Variants in FBXO21 observed in about 807,000 individuals in gnomAD.
The protein encoded by FBXO21 is F-box protein 21.
FBXO21 carries 32 observed loss-of-function variants against 76.6 expected under a neutral mutation model. The ratio of observed to expected loss-of-function variants is 0.42; its 90% CI spans 0.32 to 0.56. The LOEUF (loss-of-function observed/expected upper bound fraction) is 0.56, where lower values mean the gene tolerates loss of function less well. Ranked by LOEUF, FBXO21 falls within the 20% of genes least tolerant of loss-of-function variation. The pLI is 0.16. For missense variants in FBXO21, 586 were observed against 797.3 expected (o/e 0.73, Z 3.19); for synonymous variants, 328 against 311.5 (o/e 1.05, Z -0.56).
At position 117,157,857 on chromosome 12, in the gene FBXO21, G is replaced by C; in HGVS notation, c.1517+16C>G. 1 of 1,580,884 alleles carries C rather than the reference G, an allele frequency of 6.3e-7. No individual in the cohort carries two copies. The highest frequency in any genetic ancestry group is 1.2e-5 in the South Asian group (1 of 85,842). Reference sequence around the variant, plus strand: ...CTGGAACGGACACTGCAGGACAGATGATCCCGGGCACTCACCTCTTATGCT... The same window carrying C: ...CTGGAACGGACACTGCAGGACAGATCATCCCGGGCACTCACCTCTTATGCT... On this transcript the variant is annotated intron_variant, in intron 10 of 11. Coordinates refer to ENST00000622495, the MANE Select transcript of FBXO21 (RefSeq NM_015002.3).
At chr12:117,164,873 C>T (rs1392821339) in intron 9 of FBXO21, among the ~76,000 whole-genome samples, 1 of 152,150 alleles carries the variant, frequency 6.6e-6, no homozygotes, top group East Asian at 1.9e-4. Context: ...GCAGCTGGCT[C>T]CTGCACCATT....
intron 10 of FBXO21, 44 bp from the exon 11 acceptor site, chr12:117,155,992 GCAACAACCTC>G: frequency 1.3e-6 from 2 of 1,592,580 alleles, no homozygotes; most frequent in Non-Finnish European, 1.7e-6. Context: ...AGACCCGGCC[GCAACAACCTC>G]CAGACAACCG....
At chr12:117,177,260 A>C (rs140867239) in intron 4 of FBXO21, among the ~76,000 whole-genome samples, 188 of 152,288 alleles carry the variant, frequency 1.2e-3, no homozygotes, top group African/African-American at 4.3e-3. Context: ...CTAAAGTATC[A>C]CTCTCACATT....
intron 3 of FBXO21, among the ~76,000 whole-genome samples, chr12:117,182,986 G>A (rs953400640): frequency 3.3e-5 from 5 of 152,056 alleles, no homozygotes; most frequent in Admixed American, 6.5e-5. Flanking sequence ...CTAACTACTC[G>A]GGAGGCTGAG....
At chr12:117,160,633 A>AT (rs929811610) in intron 9 of FBXO21, among the ~76,000 whole-genome samples, 2 of 151,804 alleles carry the variant, frequency 1.3e-5, no homozygotes, top group African/African-American at 2.4e-5. Context: ...GTTCTGCCAC[A>AT]TTTTTTTTGA....
In FBXO21 at chr12:117,145,055, T is replaced by TC. The variant is rs142024020; in HGVS notation, c.*1031dup. On this transcript the variant is annotated 3_prime_UTR_variant, in exon 12 of 12. Transcript: ENST00000622495. The stretch of plus-strand genomic sequence containing the variant: ...ACAAGAGGTGTGAAACCACTTTTTT[T>TC]CCCTTCAAAACCTTTTTTTTTTTTT... The TC allele has an allele frequency of 2.1e-5, 3 of 145,066 alleles. No homozygotes were observed. The highest frequency in any genetic ancestry group is 2.0e-4 in the East Asian group (1 of 4,934). 9.0% of individuals were successfully genotyped at this position (145,066 alleles called of 1,614,324 possible).
At chr12:117,155,697 G>A (rs1955907301) in intron 11 of FBXO21, 94 bp downstream of exon 11, 12 of 1,379,794 alleles carry the variant, frequency 8.7e-6, no homozygotes, top group East Asian at 5.0e-5. Context: ...TGAAGGAACC[G>A]ATGGCCCACG....
At chr12:117,189,786 A>T (rs1244083716) in intron 1 of FBXO21, among the ~76,000 whole-genome samples, 1 of 152,144 alleles carries the variant, frequency 6.6e-6, no homozygotes, top group African/African-American at 2.4e-5. Context: ...GCTCCCCCCA[A>T]GGTCACAGAG....
At chr12:117,148,680 A>C (rs1593055762) in intron 11 of FBXO21, among the ~76,000 whole-genome samples, 1 of 152,158 alleles carries the variant, frequency 6.6e-6, no homozygotes, top group African/African-American at 2.4e-5. Context: ...CAAGGATTTA[A>C]CCCCGGACTC....
At chr12:117,178,215 T>C (rs1229832040) in intron 3 of FBXO21, among the ~76,000 whole-genome samples, 1 of 152,166 alleles carries the variant, frequency 6.6e-6, no homozygotes, top group African/African-American at 2.4e-5. Context: ...GCATAAAACC[T>C]GCGAGTCATC....
intron 3 of FBXO21, 74 bp from the exon 4 acceptor site, chr12:117,177,715 ACCATGTAGTTTGCTT>A: frequency 7.9e-7 from 1 of 1,265,088 alleles, no homozygotes; most frequent in Non-Finnish European, 1.1e-6. Context: ...ACACTAACAT[ACCATGTAGTTTGCTT>A]AACAAGAAAA....
chr12:117,145,891 G>A lies in FBXO21; in HGVS notation c.*196C>T, dbSNP rs1955763709. 1 of 483,974 alleles carries A rather than the reference G, an allele frequency of 2.1e-6. No homozygotes were observed. Among genetic ancestry groups the A allele is most frequent in the Non-Finnish European group, 3.6e-6 (1 of 275,756 alleles). The allele number at this position is 483,974 out of a possible 1,614,324, so 30.0% of individuals were successfully genotyped here. A position where few individuals can be genotyped will look rare whatever the true frequency, so the allele number is the denominator to read the frequency against. ...CTTTCAGATTAATTCACTAGTGTAG[G>A]CGGAGAGCAACATTGTCTTTGCAGC... is the stretch of plus-strand genomic sequence containing the variant. On this transcript the variant is annotated 3_prime_UTR_variant, in exon 12 of 12. Transcript: ENST00000622495.
chr12:117,171,449 G>A lies in FBXO21; in HGVS notation c.1013+1022C>T, dbSNP rs570537464. Among the ~76,000 whole-genome samples the A allele has an allele frequency of 3.9e-5, 6 of 152,008 alleles. No individual in the cohort carries two copies. In the East Asian group the frequency reaches 1.2e-3, roughly 29 times the overall value. ...GAGAAAGGGATGAGGAAGAGTACCTGGGAGGCTTCAACTAAATAGGTAATG... is the reference window on the plus strand; with the variant it reads ...GAGAAAGGGATGAGGAAGAGTACCTAGGAGGCTTCAACTAAATAGGTAATG... On this transcript the variant is annotated intron_variant, in intron 7 of 11. Transcript: ENST00000622495.
intron 9 of FBXO21, 126 bp downstream of exon 9, chr12:117,165,359 T>C (rs948820612): frequency 3.9e-6 from 4 of 1,014,420 alleles, no homozygotes; most frequent in South Asian, 3.7e-5. Flanking sequence ...TGGGTTATGA[T>C]TGGGAGACTG....
At chr12:117,155,675 G>C in intron 11 of FBXO21, 116 bp downstream of exon 11, 1 of 1,194,638 alleles carries the variant, frequency 8.4e-7, no homozygotes, top group Non-Finnish European at 1.2e-6. Context: ...GCCATGGGGC[G>C]TCGGCCGCCT....
chr12:117,168,870 T>C (rs1956088447), intron 7 of FBXO21, among the ~76,000 whole-genome samples: 1 of 152,208 alleles, frequency 6.6e-6, no homozygotes, highest in African/African-American at 2.4e-5. Flanking sequence ...TATACACTGT[T>C]AGTGGGAGTG....
At chr12:117,151,913 G>A (rs1343361388) in intron 11 of FBXO21, among the ~76,000 whole-genome samples, 1 of 152,162 alleles carries the variant, frequency 6.6e-6, no homozygotes. Context: ...TGGGGAACAG[G>A]ATCTTTACAG....
chr12:117,146,212 C>G lies in FBXO21; in HGVS notation c.1741G>C (p.Glu581Gln). ...SHPDVGRYFS[E>Q]FTGTHYIPNA... ...GGGATGTAGTGAGTGCCAGTAAACT[C>G]TGAGAAATAGCGTCCCACGTCAGGG... Residue 581 changes from glutamate (E) to glutamine (Q), a missense_variant, in exon 12 of 12, where the codon GAG becomes CAG. Physicochemically the swap from Glu to Gln is conservative, Grantham distance 29. This residue lies in a region of FBXO21 where 164 missense variants were observed against 236.7 expected (regional missense o/e 0.69). Transcript: ENST00000622495. The G allele has an allele frequency of 1.2e-6, 2 of 1,613,984 alleles. No individual in the cohort carries two copies. The highest frequency in any genetic ancestry group is 8.5e-7 in the Non-Finnish European group (1 of 1,179,986).
chr12:117,178,562 G>A (rs1956196879), intron 3 of FBXO21, among the ~76,000 whole-genome samples: 2 of 151,890 alleles, frequency 1.3e-5, no homozygotes, highest in Admixed American at 6.6e-5. Flanking sequence ...TTGAACTCTC[G>A]CCCCATTACC....
Sources: allele counts gnomAD v4.1 joint callset (sites outside exome capture counted in the v4.1 genomes callset), GRCh38; gene constraint gnomAD v4.1.1; regional missense constraint gnomAD v4.1.1; transcripts MANE v1.5; gene names NCBI Gene and HGNC (gene_info 2026-07-23, HGNC 2026-07-21).